The following MMEL1 variants were observed in gnomAD, a reference collection of about 807,000 sequenced individuals.
The protein encoded by MMEL1 is membrane metallo-endopeptidase-like 1.
A neutral mutation model predicts 117.1 loss-of-function variants in MMEL1; 98 were observed. The ratio of observed to expected loss-of-function variants is 0.84; its 90% confidence interval spans 0.71 to 0.99. MMEL1 has a LOEUF of 0.99. MMEL1 is among the 50% of genes least tolerant of loss of function. The probability of loss-of-function intolerance (pLI) is 0.00; values close to 1 mark genes in which losing one functional copy is unlikely to be tolerated. For missense variants in MMEL1, 1,014 were observed against 1,049.1 expected (o/e 0.97, Z 0.46); for synonymous variants, 390 against 415.1 (o/e 0.94, Z 0.74).
At chr1:2,598,516 G>T in intron 12 of MMEL1, 138 bp downstream of exon 12, 1 of 1,413,536 alleles carries the variant, frequency 7.1e-7, no homozygotes, top group Non-Finnish European at 9.6e-7. Flanking sequence ...GGCCACTAAA[G>T]CTTAACCCCT....
chr1:2,591,890 G>A, intron 22 of MMEL1, 42 bp downstream of exon 22: 2 of 1,577,886 alleles, frequency 1.3e-6, no homozygotes, highest in Admixed American at 1.7e-5. Context: ...AGAGATGAGT[G>A]GGGAAGCATG....
chr1:2,599,837 A>G (rs1353445992), intron 11 of MMEL1, among the ~76,000 whole-genome samples: 5 of 148,324 alleles, frequency 3.4e-5, no homozygotes, highest in Non-Finnish European at 7.5e-5. Context: ...AGCCTGGGCA[A>G]CAGAGCAAGA....
chr1:2,615,177 G>A (rs1645183347), intron 2 of MMEL1, among the ~76,000 whole-genome samples: 1 of 152,190 alleles, frequency 6.6e-6, no homozygotes, highest in African/African-American at 2.4e-5. Flanking sequence ...CTCCTCAGGT[G>A]TGAGCTGCAC....
chr1:2,611,219 A>C (rs1424400535), intron 4 of MMEL1, 62 bp downstream of exon 4: 1 of 1,481,830 alleles, frequency 6.7e-7, no homozygotes, highest in African/African-American at 1.4e-5. Context: ...GGCCTACGTC[A>C]GTGTCAGCCG....
chr1:2,628,268 C>G (rs998164030), intron 2 of MMEL1, among the ~76,000 whole-genome samples: 1 of 152,214 alleles, frequency 6.6e-6, no homozygotes, highest in Non-Finnish European at 1.5e-5. Flanking sequence ...CCACACTGTA[C>G]AGTGGCCAGC....
At chr1:2,619,556 G>C (rs1202579942) in intron 2 of MMEL1, among the ~76,000 whole-genome samples, 2 of 151,740 alleles carry the variant, frequency 1.3e-5, no homozygotes, top group Non-Finnish European at 2.9e-5. Context: ...TTCTCAGGAG[G>C]CTGAGGCATG....
Position 2,609,751 on chromosome 1 carries a change from G to A in MMEL1, c.373C>T (p.Arg125Trp), listed in dbSNP as rs772242380. The A allele has an allele frequency of 7.4e-6, 12 of 1,613,622 alleles. No individual in the cohort carries two copies. In the South Asian group the frequency reaches 9.9e-5, roughly 13 times the overall value. ...FYQFACGGWL[R>W]RHVIPETNSR... ...TTGGTCTCAGGGATCACGTGGCGCC[G>A]CAGCCAGCCTCCGCATGCAAACTGG... The change falls in exon 5 of 24, where the codon CGG (arginine) becomes TGG (tryptophan). Residue 125 changes from arginine (R) to tryptophan (W), a missense_variant. By Grantham distance (101) the Arg-to-Trp change is moderately radical. Transcript: ENST00000378412.
chr1:2,617,300 G>T (rs924465471), intron 2 of MMEL1, among the ~76,000 whole-genome samples: 1 of 151,908 alleles, frequency 6.6e-6, no homozygotes, highest in Non-Finnish European at 1.5e-5. Context: ...GGTGGCGGGC[G>T]CCTGTAGTCC....
chr1:2,625,402 C>A (rs1638231270), intron 2 of MMEL1, among the ~76,000 whole-genome samples: 1 of 152,200 alleles, frequency 6.6e-6, no homozygotes, highest in South Asian at 2.1e-4. Flanking sequence ...GGAGCAGGCT[C>A]TGCAACAGGT....
At chr1:2,624,636 A>G (rs1267649510) in intron 2 of MMEL1, among the ~76,000 whole-genome samples, 1 of 152,214 alleles carries the variant, frequency 6.6e-6, no homozygotes, top group Non-Finnish European at 1.5e-5. Context: ...GTGTATTGTG[A>G]TGATGTTGCC....
chr1:2,591,062 G>T lies in MMEL1; in HGVS notation c.2268C>A (p.Ala756=). The T allele has an allele frequency of 6.2e-7, 1 of 1,605,742 alleles. No homozygotes were observed. Among genetic ancestry groups the T allele is most frequent in the South Asian group, 1.1e-5 (1 of 89,420 alleles). ...YRVLGSLQNL[A]AFADTFHCAR... is the part of the protein sequence containing the mutation. ...CACAGTGGAACGTGTCTGCGAAGGC[G>T]GCCAGGTTCTGCAGCGACCCCAGTA... Residue 756 remains alanine (A), a synonymous_variant, in exon 24 of 24, where the codon GCC becomes GCA. Coordinates refer to ENST00000378412, the MANE Select transcript of MMEL1 (RefSeq NM_033467.4).
chr1:2,609,923 T>C, intron 4 of MMEL1, 92 bp from the exon 5 acceptor site: 1 of 1,410,596 alleles, frequency 7.1e-7, no homozygotes, highest in Non-Finnish European at 9.6e-7. Context: ...AGACACAGCC[T>C]GGTCCCTTGG....
At chr1:2,617,384 G>A (rs547081750) in intron 2 of MMEL1, among the ~76,000 whole-genome samples, 219 of 139,648 alleles carry the variant, frequency 1.6e-3, no homozygotes, top group Middle Eastern at 4.4e-3. Context: ...CCGAGATCGC[G>A]CCACTGCACT....
Position 2,595,507 on chromosome 1 carries a change from G to T in MMEL1, c.1501-148C>A. 1.5e-6 allele frequency: 1 copy of T among 677,522 alleles called. No homozygotes were observed. The highest frequency in any genetic ancestry group is 2.6e-6 in the Non-Finnish European group (1 of 385,396). 42.0% of individuals were successfully genotyped at this position (677,522 alleles called of 1,614,324 possible). Reference sequence around the variant, plus strand: ...CTGTCCTGTGGTGAGGGGCTGGGGGGCTCCGGGATCTGGCCCCCACCTTGC... The same window carrying T: ...CTGTCCTGTGGTGAGGGGCTGGGGGTCTCCGGGATCTGGCCCCCACCTTGC... On this transcript the variant is annotated intron_variant, in intron 15 of 23. Transcript: ENST00000378412. The surrounding 1 kb of genome is among the most constrained non-coding windows in gnomAD (Gnocchi z 4.8).
chr1:2,609,436 A>G lies in MMEL1; in HGVS notation c.455-17T>C. On this transcript the variant is annotated splice_polypyrimidine_tract_variant and intron_variant, in intron 5 of 23. Coordinates refer to ENST00000378412, the MANE Select transcript of MMEL1 (RefSeq NM_033467.4). ...CCAGCACCGCTGTGGGCACAGGAAA[A>G]GGTTGGACAGAGGCCTGACGAGGCT... 1 of 1,605,414 alleles carries G rather than the reference A, an allele frequency of 6.2e-7. No homozygotes were observed. Among genetic ancestry groups the G allele is most frequent in the Non-Finnish European group, 8.5e-7 (1 of 1,176,098 alleles).
At chr1:2,606,683 G>A (rs1318450744) in intron 7 of MMEL1, among the ~76,000 whole-genome samples, 1 of 152,056 alleles carries the variant, frequency 6.6e-6, no homozygotes, top group Non-Finnish European at 1.5e-5. Context: ...CCAGGGCCTG[G>A]CCGGAGCCTG....
At chr1:2,614,011 T>C (rs1645167644) in intron 2 of MMEL1, among the ~76,000 whole-genome samples, 2 of 152,142 alleles carry the variant, frequency 1.3e-5, no homozygotes, top group South Asian at 2.1e-4. Context: ...AGAGGTTGAA[T>C]AGGTGAAGAA....
chr1:2,594,163 C>T, intron 18 of MMEL1: 1 of 773,762 alleles, frequency 1.3e-6, no homozygotes, highest in Non-Finnish European at 2.0e-6. Context: ...TCCTGTTCTG[C>T]CTGCAGGAAA....
intron 13 of MMEL1, 98 bp downstream of exon 13, chr1:2,598,109 C>G (rs1393300840): frequency 1.7e-6 from 2 of 1,155,522 alleles, no homozygotes; most frequent in African/African-American, 3.0e-5. Flanking sequence ...TGGCTGTGAC[C>G]CTGGTGTGGA....
Sources: gnomAD v4.1 joint callset for allele counts (sites outside exome capture counted in the v4.1 genomes callset) on GRCh38, gnomAD v4.1.1 for gene constraint, Gnocchi (gnomAD v3.1) non-coding constraint, MANE v1.5 for transcripts, NCBI Gene and HGNC (gene_info 2026-07-23, HGNC 2026-07-21) for gene names.